PCDHGB2: variants seen among roughly 807,000 people sequenced by gnomAD.
PCDHGB2 encodes the protein protocadherin gamma-B2.
PCDHGB2 carries 55 observed loss-of-function variants against 59.3 expected under a neutral mutation model. That is an observed-to-expected ratio of 0.93 (90% CI 0.75 to 1.16). PCDHGB2 has a LOEUF of 1.16. PCDHGB2 is among the 50% of genes most tolerant of loss of function. The pLI, the probability that PCDHGB2 is intolerant of heterozygous loss-of-function variation, is 0.00. For missense variants in PCDHGB2, 1,228 were observed against 1,198.5 expected (o/e 1.02, Z -0.36); for synonymous variants, 516 against 512.0 (o/e 1.01, Z -0.11).
At chr5:141,442,309 G>C (rs1483682583) in intron 1 of PCDHGB2, 1 of 152,418 alleles carries the variant, frequency 6.6e-6, no homozygotes, top group Non-Finnish European at 1.5e-5. Flanking sequence ...TCTTTCCCAC[G>C]GATGTCTATC....
Position 141,489,557 on chromosome 5 carries a change from T to C in PCDHGB2, c.2422-5250T>C, listed in dbSNP as rs150797955. 54 of 1,613,956 alleles carry C rather than the reference T, an allele frequency of 3.3e-5. 1 individual carries two copies. Among genetic ancestry groups the C allele is most frequent in the Non-Finnish European group, 4.3e-5 (51 of 1,180,004 alleles). On this transcript the variant is annotated intron_variant, in intron 1 of 3. Coordinates refer to ENST00000522605, the MANE Select transcript of PCDHGB2 (RefSeq NM_018923.3). The surrounding 1 kb of genome is among the most constrained non-coding windows in gnomAD (Gnocchi z 4.5). ...GCCAGCACCAGCTGCCTGCTGCCAG[T>C]GCAGGTGGTGACTGAACACCCCCTG...
rs1562106021 is a variant in PCDHGB2 at position 141,485,561 on chromosome 5, G to T, written c.2422-9246G>T. 6.2e-7 allele frequency: 1 copy of T among 1,613,008 alleles called. No individual in the cohort carries two copies. Among genetic ancestry groups the T allele is most frequent in the Non-Finnish European group, 8.5e-7 (1 of 1,179,122 alleles). ...AGAGATCGTAGATGTGAATGATCAC[G>T]CCCCCCGTTTTCCGCGGCAGCAGCT... On this transcript the variant is annotated intron_variant, in intron 1 of 3. Coordinates refer to ENST00000522605, the MANE Select transcript of PCDHGB2 (RefSeq NM_018923.3). The surrounding 1 kb of genome is among the most constrained non-coding windows in gnomAD (Gnocchi z 5.7).
intron 1 of PCDHGB2, among the ~76,000 whole-genome samples, chr5:141,447,542 T>G (rs980012061): frequency 1.3e-5 from 2 of 152,216 alleles, no homozygotes; most frequent in African/African-American, 4.8e-5. Context: ...TGGGTTTTAA[T>G]GTTATGAGTA....
chr5:141,497,540 C>CA (rs1491509812), intron 2 of PCDHGB2, among the ~76,000 whole-genome samples: 7 of 134,922 alleles, frequency 5.2e-5, no homozygotes, highest in Admixed American at 1.5e-4. Flanking sequence ...TGCAACAAAC[C>CA]TTTTTTTTTT....
chr5:141,482,859 G>A (rs1371172226), intron 1 of PCDHGB2, among the ~76,000 whole-genome samples: 3 of 148,230 alleles, frequency 2.0e-5, no homozygotes, highest in Admixed American at 6.7e-5. Flanking sequence ...ATCACTTGAG[G>A]TCAGGAGTTT....
intron 1 of PCDHGB2, chr5:141,384,016 G>A: frequency 6.2e-7 from 1 of 1,613,744 alleles, no homozygotes; most frequent in Non-Finnish European, 8.5e-7. Flanking sequence ...CTACCTACAA[G>A]ACAGAGATTC....
chr5:141,399,997 A>G, intron 1 of PCDHGB2: 1 of 1,612,344 alleles, frequency 6.2e-7, no homozygotes, highest in Non-Finnish European at 8.5e-7. Context: ...AGAGGTGCGC[A>G]CAGCGCGTGC....
rs1364415249 is a variant in PCDHGB2 at position 141,489,240 on chromosome 5, C to A, written c.2422-5567C>A. The stretch of plus-strand genomic sequence containing the variant: ...ACTCTCCACAAAGGGACTTCTGGGT[C>A]ATGGGGCCCAAGACACTCCCACAGC... On this transcript the variant is annotated intron_variant, in intron 1 of 3. Coordinates refer to ENST00000522605, the MANE Select transcript of PCDHGB2 (RefSeq NM_018923.3). The surrounding 1 kb of genome is among the most constrained non-coding windows in gnomAD (Gnocchi z 4.5). 1 of 1,534,136 alleles carries A rather than the reference C, an allele frequency of 6.5e-7. No individual in the cohort carries two copies. Among genetic ancestry groups the A allele is most frequent in the South Asian group, 1.3e-5 (1 of 76,896 alleles).
intron 1 of PCDHGB2, chr5:141,374,345 G>A (rs1221134827): frequency 8.1e-6 from 13 of 1,614,018 alleles, no homozygotes; most frequent in Non-Finnish European, 1.1e-5. Flanking sequence ...GGTCACCGCG[G>A]GTAGGATAGA....
chr5:141,381,826 C>CTTTTTTTTTTTTTTTTTTTTTTT (rs770630741), intron 1 of PCDHGB2, among the ~76,000 whole-genome samples: 5 of 74,282 alleles, frequency 6.7e-5, no homozygotes, highest in Non-Finnish European at 1.2e-4. Context: ...CTTTCTTCTT[C>CTTTTTTTTTTTTTTTTTTTTTTT]TTTTTTTTTT....
At position 141,360,894 on chromosome 5, in the gene PCDHGB2, G is replaced by A. The variant is rs1262954387; in HGVS notation, c.759G>A (p.Glu253=). Residue 253 remains glutamate (E), a synonymous_variant, in exon 1 of 4, where the codon GAG becomes GAA. Coordinates refer to ENST00000522605, the MANE Select transcript of PCDHGB2 (RefSeq NM_018923.3). ...SQDVYRVTLR[E]DVPPGFFVLQ... ...ACGTGTACAGGGTCACCCTGAGGGA[G>A]GACGTGCCGCCGGGCTTCTTTGTGC... 6.2e-7 allele frequency: 1 copy of A among 1,613,912 alleles called. No individual in the cohort carries two copies. The highest frequency in any genetic ancestry group is 8.5e-7 in the Non-Finnish European group (1 of 1,179,888).
At chr5:141,387,016 T>C (rs2090783508) in intron 1 of PCDHGB2, among the ~76,000 whole-genome samples, 1 of 152,202 alleles carries the variant, frequency 6.6e-6, no homozygotes, top group South Asian at 2.1e-4. Flanking sequence ...ACTTTGAAGA[T>C]GAATGTTGTA....
At chr5:141,421,582 G>A (rs531591776) in intron 1 of PCDHGB2, 4 of 1,613,874 alleles carry the variant, frequency 2.5e-6, no homozygotes, top group Non-Finnish European at 2.5e-6. Flanking sequence ...GAAGATTTAC[G>A]GAGTGGAGGT....
chr5:141,451,812 C>G (rs974567828), intron 1 of PCDHGB2, among the ~76,000 whole-genome samples: 1 of 149,686 alleles, frequency 6.7e-6, no homozygotes, highest in Non-Finnish European at 1.5e-5. Flanking sequence ...ACCCAGGAGG[C>G]GGAGGTTACA....
chr5:141,376,676 G>GC (rs1773026765), intron 1 of PCDHGB2: 1 of 275,812 alleles, frequency 3.6e-6, no homozygotes, highest in Non-Finnish European at 6.2e-6. Context: ...TGAGGGTATC[G>GC]TTTTTTTTTT....
chr5:141,478,382 C>A (rs1287807889), intron 1 of PCDHGB2: 2 of 1,613,552 alleles, frequency 1.2e-6, no homozygotes, highest in South Asian at 2.2e-5. Flanking sequence ...GTCGCCGCAC[C>A]TTTACCATCA....
At position 141,403,830 on chromosome 5, in the gene PCDHGB2, A is replaced by G. The variant is rs763794433; in HGVS notation, c.2421+41274A>G. On this transcript the variant is annotated intron_variant, in intron 1 of 3. Coordinates refer to ENST00000522605, the MANE Select transcript of PCDHGB2 (RefSeq NM_018923.3). ...AATGAAAAACAATCTCTGCTATTCC[A>G]GCTTAATGAAAATACTGGGGAAATA... The G allele has an allele frequency of 3.7e-6, 6 of 1,613,754 alleles. No individual in the cohort carries two copies. In the Admixed American group the frequency reaches 5.0e-5, roughly 13 times the overall value.
chr5:141,427,924 G>T, intron 1 of PCDHGB2: 1 of 1,580,140 alleles, frequency 6.3e-7, no homozygotes, highest in Non-Finnish European at 8.7e-7. Flanking sequence ...ATGAGCCGGC[G>T]CATGTTGGTG....
chr5:141,386,587 G>A (rs1423292010), intron 1 of PCDHGB2, among the ~76,000 whole-genome samples: 2 of 151,614 alleles, frequency 1.3e-5, no homozygotes, highest in African/African-American at 4.9e-5. Context: ...CAATAGTGTG[G>A]GGGATACATT....
Sources: allele counts gnomAD v4.1 joint callset (sites outside exome capture counted in the v4.1 genomes callset), GRCh38; gene constraint gnomAD v4.1.1; non-coding constraint Gnocchi (gnomAD v3.1); transcripts MANE v1.5; gene names NCBI Gene and HGNC (gene_info 2026-07-23, HGNC 2026-07-21).